Variants in DPP6 observed in about 807,000 individuals in gnomAD.
DPP6 encodes the protein A-type potassium channel modulatory protein DPP6.
DPP6 carries 69 observed loss-of-function variants against 122.6 expected under a neutral mutation model. The observed-to-expected ratio is 0.56, with a 90% confidence interval of 0.46 to 0.69. The LOEUF is 0.69. Ranked by LOEUF, DPP6 falls within the 30% of genes least tolerant of loss-of-function variation. The probability of loss-of-function intolerance (pLI) is 0.00; values close to 1 mark genes in which losing one functional copy is unlikely to be tolerated. For missense variants in DPP6, 928 were observed against 1,116.9 expected (o/e 0.83, Z 2.41); for synonymous variants, 418 against 433.1 (o/e 0.97, Z 0.43).
the DPP6 span, among the ~76,000 whole-genome samples, chr7:153,816,335 G>A: frequency 6.6e-6 from 1 of 151,586 alleles, no homozygotes; most frequent in African/African-American, 2.4e-5. Flanking sequence ...AGTATGTTAG[G>A]AGATCAAACA....
At chr7:154,074,525 C>T (rs1464134772) in intron 1 of DPP6, among the ~76,000 whole-genome samples, 1 of 152,190 alleles carries the variant, frequency 6.6e-6, no homozygotes, top group Non-Finnish European at 1.5e-5. Flanking sequence ...GTTCTTGTTA[C>T]CAGCTGGGCT....
At position 154,079,797 on chromosome 7, in the gene DPP6, C is replaced by CA. The variant is rs569049697; in HGVS notation, c.243+26734_243+26735insA. On this transcript the variant is annotated intron_variant, in intron 1 of 25. Transcript: ENST00000377770. The stretch of plus-strand genomic sequence containing the variant: ...TGGACCCTTCGATGTTCCTGGCCCA[C>CA]CTGCGCTACCTATTCTTGCCCCGCT... Among the ~76,000 whole-genome samples the CA allele has an allele frequency of 6.2e-4, 95 of 152,092 alleles. No individual in the cohort carries two copies. The South Asian group carries it at 8.9e-3, about 14-fold the overall frequency.
chr7:154,876,220 G>T, intron 20 of DPP6, 120 bp downstream of exon 20: 1 of 1,355,592 alleles, frequency 7.4e-7, no homozygotes, highest in Non-Finnish European at 9.5e-7. Flanking sequence ...CATGCAATTT[G>T]CTCTTACCTA....
chr7:153,771,984 T>A, the DPP6 span, among the ~76,000 whole-genome samples: 10 of 152,212 alleles, frequency 6.6e-5, no homozygotes, highest in African/African-American at 2.4e-4. Context: ...AGCTCTATAG[T>A]GTATTTATAG....
At chr7:154,802,188 T>A (rs1798411344) in intron 13 of DPP6, among the ~76,000 whole-genome samples, 1 of 152,050 alleles carries the variant, frequency 6.6e-6, no homozygotes, top group African/African-American at 2.4e-5. Context: ...TTATTTGGGA[T>A]CAGGGTAAAT....
chr7:153,909,749 G>A (rs983922116), intron 1 of DPP6, among the ~76,000 whole-genome samples: 4 of 152,178 alleles, frequency 2.6e-5, no homozygotes, highest in Middle Eastern at 3.2e-3. Context: ...TTGGTGAACA[G>A]CAAATTCTGA....
chr7:154,764,292 T>A (rs749455676), intron 8 of DPP6, among the ~76,000 whole-genome samples: 7 of 152,172 alleles, frequency 4.6e-5, no homozygotes, highest in Non-Finnish European at 7.4e-5. Context: ...ACCTCAAGAA[T>A]TCACCTTATT....
In DPP6 at chr7:154,807,117, G is replaced by A. The variant is rs963977252; in HGVS notation, c.1666+5G>A. 1.9e-6 allele frequency: 3 copies of A among 1,611,882 alleles called. No individual in the cohort carries two copies. The highest frequency in any genetic ancestry group is 2.5e-6 in the Non-Finnish European group (3 of 1,179,610). On this transcript the variant is annotated splice_donor_5th_base_variant and intron_variant, in intron 16 of 25. Transcript: ENST00000377770. ...TCTTCCTGCTCAAGTGCGAAGGTCAGCTCCTGCCACCCCGTCAGGGCAAAG... is the reference window on the plus strand; with the variant it reads ...TCTTCCTGCTCAAGTGCGAAGGTCAACTCCTGCCACCCCGTCAGGGCAAAG...
intron 6 of DPP6, among the ~76,000 whole-genome samples, chr7:154,653,673 T>G (rs1837033809): frequency 6.6e-6 from 1 of 152,220 alleles, no homozygotes. Flanking sequence ...TTTTAGTTTC[T>G]TCACAGAGTG....
At chr7:154,861,988 T>A (rs1176616118) in intron 17 of DPP6, among the ~76,000 whole-genome samples, 1 of 152,246 alleles carries the variant, frequency 6.6e-6, no homozygotes, top group African/African-American at 2.4e-5. Context: ...TCATTAAGGA[T>A]TATTTTCAAT....
chr7:154,851,351 C>T (rs900085134), intron 16 of DPP6, among the ~76,000 whole-genome samples: 11 of 152,148 alleles, frequency 7.2e-5, no homozygotes, highest in African/African-American at 2.4e-4. Context: ...ATGCCTTTTA[C>T]TTAGTAGGCA....
At chr7:154,427,726 C>A (rs564221932) in intron 1 of DPP6, among the ~76,000 whole-genome samples, 3 of 152,300 alleles carry the variant, frequency 2.0e-5, no homozygotes, top group Admixed American at 2.0e-4. Flanking sequence ...CATTTGCAAG[C>A]TGTTCATGGA....
the DPP6 span, among the ~76,000 whole-genome samples, chr7:153,803,884 C>T: frequency 2.1e-4 from 32 of 151,152 alleles, no homozygotes; most frequent in Non-Finnish European, 3.4e-4. Context: ...GATATATGTA[C>T]CTCTCCTATT....
intron 1 of DPP6, among the ~76,000 whole-genome samples, chr7:154,304,951 A>G (rs1806159939): frequency 6.6e-6 from 1 of 152,128 alleles, no homozygotes; most frequent in African/African-American, 2.4e-5. Context: ...GCCCTGATGG[A>G]TGCGGTGACC....
chr7:153,970,715 G>A (rs563841537), intron 1 of DPP6, among the ~76,000 whole-genome samples: 2 of 152,264 alleles, frequency 1.3e-5, no homozygotes, highest in African/African-American at 4.8e-5. Flanking sequence ...GTATGTGGAT[G>A]TCCAGTTTGT....
chr7:154,236,514 C>T (rs1463519205), intron 1 of DPP6, among the ~76,000 whole-genome samples: 4 of 152,010 alleles, frequency 2.6e-5, no homozygotes, highest in African/African-American at 9.7e-5. Flanking sequence ...TTTCTTAGCC[C>T]CTGATGAAAG....
chr7:154,189,654 C>T (rs150815453), intron 1 of DPP6, among the ~76,000 whole-genome samples: 11 of 152,190 alleles, frequency 7.2e-5, no homozygotes, highest in African/African-American at 2.2e-4. Context: ...GGTGTCATTG[C>T]GTAGATTCTC....
chr7:154,384,041 G>C (rs1813867688), intron 1 of DPP6, among the ~76,000 whole-genome samples: 1 of 152,122 alleles, frequency 6.6e-6, no homozygotes, highest in Non-Finnish European at 1.5e-5. Flanking sequence ...TCAGGGAGCA[G>C]CTGCTTTGCA....
At chr7:153,857,580 A>G in the DPP6 span, among the ~76,000 whole-genome samples, 10 of 152,168 alleles carry the variant, frequency 6.6e-5, no homozygotes, top group African/African-American at 2.4e-4. Context: ...TTTGAATGTT[A>G]AGTTATTTGG....
Sources: gnomAD v4.1 joint callset for allele counts (sites outside exome capture counted in the v4.1 genomes callset) on GRCh38, gnomAD v4.1.1 for gene constraint, MANE v1.5 for transcripts, NCBI Gene and HGNC (gene_info 2026-07-23, HGNC 2026-07-21) for gene names.